MRTO4: variants seen among roughly 807,000 people sequenced by gnomAD.
The protein encoded by MRTO4 is MRT4 homolog, ribosome maturation factor, also known as mRNA turnover protein 4 homolog.
In MRTO4, 7 loss-of-function variants were observed where a neutral mutation model predicts 28.6. The ratio of observed to expected loss-of-function variants is 0.24; its 90% CI spans 0.14 to 0.46. The LOEUF (loss-of-function observed/expected upper bound fraction) is 0.46, where lower values mean the gene tolerates loss of function less well. Ranked by LOEUF, MRTO4 falls within the 20% of genes least tolerant of loss-of-function variation. The pLI, the probability that MRTO4 is intolerant of heterozygous loss-of-function variation, is 0.99. For synonymous variants in MRTO4, 113 were observed against 108.2 expected, an observed-to-expected ratio of 1.04 and a Z score of -0.27; for missense variants, 302 against 298.3, an observed-to-expected ratio of 1.01 and a Z score of -0.09.
chr1:19,258,559 T>C lies in MRTO4; in HGVS notation c.570+6T>C, dbSNP rs1450371209. On this transcript the variant is annotated splice_donor_region_variant and intron_variant, in intron 7 of 7. Coordinates refer to ENST00000330263, the MANE Select transcript of MRTO4 (RefSeq NM_016183.4). ...CAGAGCAGGCTCGCGTCCTGGTGAG[T>C]CTGGCGCCTTGCGGGCTGTTGCGGG... The C allele has an allele frequency of 3.7e-6, 6 of 1,613,824 alleles. No individual in the cohort carries two copies. Among genetic ancestry groups the C allele is most frequent in the Non-Finnish European group, 5.1e-6 (6 of 1,180,020 alleles).
rs139714257 is a variant in MRTO4 at position 19,258,503 on chromosome 1, G to A, written c.520G>A (p.Glu174Lys). ...TGTGGTGACTCTGCTGTCTGACTACGAGGTGTGCAAGGAGGGCGATGTGCT... is the reference window on the plus strand; with the variant it reads ...TGTGGTGACTCTGCTGTCTGACTACAAGGTGTGCAAGGAGGGCGATGTGCT... ...RGVVTLLSDY[E>K]VCKEGDVLTP... Residue 174 changes from glutamate to lysine, a missense_variant, in exon 7 of 8, where the codon GAG becomes AAG. By Grantham distance (56) the Glu-to-Lys change is moderately conservative. Coordinates refer to ENST00000330263, the MANE Select transcript of MRTO4 (RefSeq NM_016183.4). 1.0e-3 allele frequency: 1,678 copies of A among 1,614,058 alleles called. 8 individuals are homozygous for A. Among genetic ancestry groups the A allele is most frequent in the Middle Eastern group, 4.8e-3 (29 of 6,062 alleles).
At chr1:19,252,099 C>G (rs919354760) in intron 1 of MRTO4, 8 of 576,536 alleles carry the variant, frequency 1.4e-5, no homozygotes, top group Non-Finnish European at 2.4e-5. Flanking sequence ...TTCAGGTGCT[C>G]TTGCAAGGCC....
At position 19,257,495 on chromosome 1, in the gene MRTO4, C is replaced by T. The variant is rs751352884; in HGVS notation, c.315C>T (p.Thr105=). Residue 105 remains threonine (T), a synonymous_variant, in exon 5 of 8, where the codon ACC becomes ACT. Coordinates refer to ENST00000330263, the MANE Select transcript of MRTO4 (RefSeq NM_016183.4). ...GGGGTGAGGTGGGTCTCCTGTTCAC[C>T]AACCGCACAAAGGAGGAGGTGAATG... ...RLRGEVGLLF[T]NRTKEEVNEW... is the part of the protein sequence containing the mutation. The T allele has an allele frequency of 1.9e-6, 3 of 1,614,096 alleles. No homozygotes were observed. In the African/African-American group the frequency reaches 4.0e-5, roughly 22 times the overall value.
intron 1 of MRTO4, 43 bp downstream of exon 1, chr1:19,251,906 G>C: frequency 6.4e-7 from 1 of 1,574,508 alleles, no homozygotes; most frequent in Non-Finnish European, 8.6e-7. Context: ...AGCTCCGTGG[G>C]CTGGCTACCC....
intron 1 of MRTO4, among the ~76,000 whole-genome samples, chr1:19,254,227 C>T (rs1338567372): frequency 1.3e-5 from 2 of 152,122 alleles, no homozygotes; most frequent in African/African-American, 2.4e-5. Flanking sequence ...CAAAACTCAC[C>T]TGGGCATGGT....
At chr1:19,256,216 C>T (rs2093671291) in intron 3 of MRTO4, among the ~76,000 whole-genome samples, 165 bp downstream of exon 3, 1 of 152,134 alleles carries the variant, frequency 6.6e-6, no homozygotes, top group East Asian at 1.9e-4. Flanking sequence ...TTCCTTTTCA[C>T]TGTTAAAGCT....
At chr1:19,253,994 G>T (rs1258633176) in intron 1 of MRTO4, among the ~76,000 whole-genome samples, 1 of 152,102 alleles carries the variant, frequency 6.6e-6, no homozygotes, top group African/African-American at 2.4e-5. Context: ...CAATACTGGG[G>T]TGCAGATACA....
At chr1:19,257,234 C>T (rs1443928891) in intron 4 of MRTO4, 89 bp downstream of exon 4, 5 of 1,423,890 alleles carry the variant, frequency 3.5e-6, no homozygotes, top group East Asian at 2.3e-5. Context: ...CAGCCATTGG[C>T]AGGCCGGAGG....
intron 2 of MRTO4, among the ~76,000 whole-genome samples, chr1:19,255,576 C>T (rs755003012): frequency 3.7e-4 from 57 of 152,206 alleles, no homozygotes; most frequent in Non-Finnish European, 7.9e-4. Flanking sequence ...GCCAGCACCA[C>T]GTGCAGAGCA....
Position 19,259,336 on chromosome 1 carries a change from G to T in MRTO4, c.*506G>T, listed in dbSNP as rs1003223886. 6.6e-6 allele frequency: 1 copy of T among 152,416 alleles called. No individual in the cohort carries two copies. The highest frequency in any genetic ancestry group is 2.4e-5 in the African/African-American group (1 of 41,392). 9.4% of individuals were successfully genotyped at this position (152,416 alleles called of 1,614,324 possible). A position where few individuals can be genotyped will look rare whatever the true frequency, so the allele number is the denominator to read the frequency against. On this transcript the variant is annotated 3_prime_UTR_variant, in exon 8 of 8. Transcript: ENST00000330263. ...CAGCAAGAGGGAGAGGAGGGAGAGG[G>T]CTCTTTCTTAGAAAAGAGGCCTTTG...
intron 1 of MRTO4, chr1:19,252,350 C>A (rs531676685): frequency 5.2e-5 from 9 of 171,472 alleles, no homozygotes; most frequent in Admixed American, 1.2e-4. Flanking sequence ...TTAATAGGAT[C>A]CCTCTGAGAC....
chr1:19,254,780 A>G lies in MRTO4; in HGVS notation c.29-2A>G. The G allele has an allele frequency of 6.2e-7, 1 of 1,610,438 alleles. No homozygotes were observed. Among genetic ancestry groups the G allele is most frequent in the Non-Finnish European group, 8.5e-7 (1 of 1,177,260 alleles). On this transcript the variant is annotated splice_acceptor_variant, in intron 1 of 7. Transcript: ENST00000330263. LOFTEE classifies it high-confidence loss of function. ...CATCTCTCTCCTTTTTGTTTTTATTAGTCTCCTTAACCAAAACTGCCAAGA... is the reference window on the plus strand; with the variant it reads ...CATCTCTCTCCTTTTTGTTTTTATTGGTCTCCTTAACCAAAACTGCCAAGA...
rs1364503434 is a variant in MRTO4, at chr1:19,257,900, C to T, written c.409C>T (p.Leu137=). Residue 137 remains leucine (L), a synonymous_variant, in exon 6 of 8, where the codon CTG becomes TTG. Transcript: ENST00000330263. The part of the protein sequence containing the change: ...AGNKAAFTVS[L]DPGPLEQFPH... ...TAACAAAGCAGCTTTCACTGTGAGC[C>T]TGGATCCAGGGCCCCTGGAGCAGTT... 2 of 1,614,162 alleles carry T rather than the reference C, an allele frequency of 1.2e-6. No individual in the cohort carries two copies. The highest frequency in any genetic ancestry group is 2.2e-5 in the East Asian group (1 of 44,868).
intron 1 of MRTO4, among the ~76,000 whole-genome samples, chr1:19,253,109 A>T (rs1164518820): frequency 6.6e-6 from 1 of 152,230 alleles, no homozygotes; most frequent in Non-Finnish European, 1.5e-5. Flanking sequence ...ACGTTTTAGG[A>T]GAAACATATT....
intron 1 of MRTO4, among the ~76,000 whole-genome samples, chr1:19,254,310 T>C (rs1240713928): frequency 6.6e-6 from 1 of 152,018 alleles, no homozygotes; most frequent in Non-Finnish European, 1.5e-5. Context: ...TGTGGGAGGA[T>C]TGCCTGAGCC....
Position 19,255,939 on chromosome 1 carries a change from G to C in MRTO4, c.88-9G>C. 6.2e-7 allele frequency: 1 copy of C among 1,612,962 alleles called. No individual in the cohort carries two copies. Among genetic ancestry groups the C allele is most frequent in the Non-Finnish European group, 8.5e-7 (1 of 1,179,092 alleles). ...GCTTGAACTCAGAGCCTCGTGAATT[G>C]TCCCACAGCTTCGGAAATGTGTGGA... is the stretch of plus-strand genomic sequence containing the variant. On this transcript the variant is annotated splice_polypyrimidine_tract_variant and intron_variant, in intron 2 of 7. Coordinates refer to ENST00000330263, the MANE Select transcript of MRTO4 (RefSeq NM_016183.4).
chr1:19,255,986 C>A lies in MRTO4; in HGVS notation c.126C>A (p.Ile42=). The part of the protein sequence containing the change: ...KCVDTYKYLF[I]FSVANMRNSK... ...TGGACACCTACAAGTACCTTTTCAT[C>A]TTCTCTGTGGCCAACATGAGGAACA... Residue 42 remains isoleucine, a synonymous_variant, in exon 3 of 8, where the codon ATC becomes ATA. Coordinates refer to ENST00000330263, the MANE Select transcript of MRTO4 (RefSeq NM_016183.4). 1 of 1,614,166 alleles carries A rather than the reference C, an allele frequency of 6.2e-7. No individual in the cohort carries two copies. The highest frequency in any genetic ancestry group is 8.5e-7 in the Non-Finnish European group (1 of 1,180,034).
chr1:19,255,961 T>C lies in MRTO4; in HGVS notation c.101T>C (p.Val34Ala), dbSNP rs1217104097. 6.2e-7 allele frequency: 1 copy of C among 1,613,864 alleles called. No homozygotes were observed. Among genetic ancestry groups the C allele is most frequent in the Non-Finnish European group, 8.5e-7 (1 of 1,179,972 alleles). Residue 34 changes from valine (V) to alanine (A), a missense_variant, in exon 3 of 8, where the codon GTG becomes GCG. Val to Ala is a moderately conservative substitution (Grantham distance 64). Transcript: ENST00000330263. ...ATTGTCCCACAGCTTCGGAAATGTG[T>C]GGACACCTACAAGTACCTTTTCATC... ...QNLIEELRKC[V>A]DTYKYLFIFS... is the part of the protein sequence containing the mutation.
intron 3 of MRTO4, 107 bp downstream of exon 3, chr1:19,256,158 C>T (rs1424897012): frequency 6.9e-6 from 6 of 870,084 alleles, no homozygotes; most frequent in South Asian, 1.4e-5. Context: ...TGGGTCATGC[C>T]GCTGACACCT....
Sources: gnomAD v4.1 joint callset for allele counts (sites outside exome capture counted in the v4.1 genomes callset) on GRCh38, gnomAD v4.1.1 for gene constraint, MANE v1.5 for transcripts, NCBI Gene and HGNC (gene_info 2026-07-23, HGNC 2026-07-21) for gene names.